Variants in FGD3 observed in about 807,000 individuals in gnomAD.
FGD3 encodes FYVE, RhoGEF and PH domain-containing protein 3.
A neutral mutation model predicts 71.8 loss-of-function variants in FGD3; 45 were observed. The ratio of observed to expected loss-of-function variants is 0.63; its 90% CI spans 0.49 to 0.80. FGD3 has a LOEUF of 0.80. Ranked by LOEUF, FGD3 falls within the 30% of genes least tolerant of loss-of-function variation. FGD3 has a pLI of 0.00. For synonymous variants in FGD3, 378 were observed against 392.8 expected (o/e 0.96, Z 0.44); for missense variants, 844 against 951.5 (o/e 0.89, Z 1.49).
intron 1 of FGD3, among the ~76,000 whole-genome samples, chr9:92,964,967 G>T (rs1859260628): frequency 6.6e-6 from 1 of 152,242 alleles, no homozygotes; most frequent in African/African-American, 2.4e-5. Context: ...ATGCGGGCCT[G>T]TGTAGCATGG....
intron 5 of FGD3, among the ~76,000 whole-genome samples, chr9:93,004,675 G>C (rs766216709): frequency 1.3e-5 from 2 of 152,134 alleles, no homozygotes; most frequent in Non-Finnish European, 2.9e-5. Flanking sequence ...CACGTTGCGT[G>C]TTGCGTTTCC....
At chr9:92,966,663 C>T (rs376639071) in intron 1 of FGD3, among the ~76,000 whole-genome samples, 111 of 152,266 alleles carry the variant, frequency 7.3e-4, no homozygotes, top group African/African-American at 2.5e-3. Flanking sequence ...TGAGGAGCAG[C>T]GGTGGCTGTG....
rs369754132 is a variant in FGD3, at chr9:92,989,167, CA to C, written c.453+12459del. On this transcript the variant is annotated intron_variant, in intron 3 of 17. Coordinates refer to ENST00000375482, the MANE Select transcript of FGD3 (RefSeq NM_001083536.2). ...CCAGGTTCAAGTGATTCTCCTGCCTCAGCCTCCTGAGTAGCTGGGACTACAG... is the reference window on the plus strand; with the variant it reads ...CCAGGTTCAAGTGATTCTCCTGCCTCGCCTCCTGAGTAGCTGGGACTACAG... Among the ~76,000 whole-genome samples, 181 of 152,330 alleles carry C rather than the reference CA, an allele frequency of 1.2e-3. 3 individuals carry two copies. In the East Asian group the frequency reaches 0.028, roughly 24 times the overall value.
chr9:93,013,645 T>C (rs557725274), intron 8 of FGD3, among the ~76,000 whole-genome samples: 1 of 152,310 alleles, frequency 6.6e-6, no homozygotes, highest in East Asian at 1.9e-4. Context: ...TTCCTGTTTA[T>C]CGTTGTTTTT....
intron 1 of FGD3, among the ~76,000 whole-genome samples, chr9:92,953,330 G>A (rs549938103): frequency 9.2e-5 from 14 of 152,282 alleles, no homozygotes; most frequent in Admixed American, 8.5e-4. Context: ...AGGCTCTAAT[G>A]TTATCATAGC....
intron 1 of FGD3, among the ~76,000 whole-genome samples, chr9:92,956,729 A>T (rs1444592828): frequency 6.6e-6 from 1 of 152,102 alleles, no homozygotes; most frequent in Admixed American, 6.5e-5. Context: ...CCAGAGTACC[A>T]CAGGGCACCT....
intron 3 of FGD3, among the ~76,000 whole-genome samples, chr9:92,994,164 G>A (rs142372446): frequency 1.3e-5 from 2 of 152,206 alleles, no homozygotes; most frequent in East Asian, 3.9e-4. Context: ...CATTCTAACT[G>A]GTGTTAGATG....
intron 1 of FGD3, among the ~76,000 whole-genome samples, chr9:92,958,322 C>T (rs938711328): frequency 2.6e-5 from 4 of 152,150 alleles, no homozygotes; most frequent in Admixed American, 2.0e-4. Flanking sequence ...TTTTTTATAG[C>T]AGTTTTACAT....
intron 1 of FGD3, among the ~76,000 whole-genome samples, chr9:92,957,494 T>A (rs1164706165): frequency 6.6e-6 from 1 of 152,196 alleles, no homozygotes; most frequent in African/African-American, 2.4e-5. Context: ...ATTGTCTATT[T>A]AGGTAACTTA....
intron 3 of FGD3, among the ~76,000 whole-genome samples, chr9:92,998,471 G>A (rs746597197): frequency 6.6e-6 from 1 of 152,024 alleles, no homozygotes; most frequent in Non-Finnish European, 1.5e-5. Context: ...GCTTACTTTC[G>A]TCAACTCACC....
intron 14 of FGD3, among the ~76,000 whole-genome samples, chr9:93,027,828 TCCTA>T (rs1449744684): frequency 6.9e-6 from 1 of 144,710 alleles, no homozygotes; most frequent in Admixed American, 7.2e-5. Flanking sequence ...CAAGCGATCC[TCCTA>T]CCTAAGCCCC....
At chr9:93,016,999 T>A (rs1861728023) in intron 10 of FGD3, among the ~76,000 whole-genome samples, 1 of 152,240 alleles carries the variant, frequency 6.6e-6, no homozygotes, top group Admixed American at 6.5e-5. Flanking sequence ...GTAGTTTCGC[T>A]GGCTCACGCC....
intron 5 of FGD3, among the ~76,000 whole-genome samples, chr9:93,005,162 G>A (rs1483348149): frequency 2.0e-5 from 3 of 151,636 alleles, no homozygotes; most frequent in Non-Finnish European, 2.9e-5. Context: ...TCACTCTGTT[G>A]CCCAGGCTGG....
intron 6 of FGD3, among the ~76,000 whole-genome samples, chr9:93,010,020 G>T (rs1456778473): frequency 6.6e-6 from 1 of 152,234 alleles, no homozygotes; most frequent in African/African-American, 2.4e-5. Context: ...TCTGGGCCAA[G>T]GGCCAGCCTG....
chr9:93,006,180 G>T lies in FGD3; in HGVS notation c.837G>T (p.Gln279His). 6.4e-7 allele frequency: 1 copy of T among 1,567,244 alleles called. No individual in the cohort carries two copies. Among genetic ancestry groups the T allele is most frequent in the Non-Finnish European group, 8.7e-7 (1 of 1,153,606 alleles). Reference protein sequence around the residue: ...PLFKDVVHSIQKQEVCGNLTL... With the variant: ...PLFKDVVHSIHKQEVCGNLTL... Reference sequence around the variant, plus strand: ...TTAAAGACGTCGTCCACAGCATCCAGGTAAGGCCGGCAGTGGGAGTGTGGA... The same window carrying T: ...TTAAAGACGTCGTCCACAGCATCCATGTAAGGCCGGCAGTGGGAGTGTGGA... The change falls in exon 6 of 18, where the codon CAG becomes CAT. Residue 279 changes from glutamine to histidine, a missense_variant and splice_region_variant. Gln to His is a conservative substitution (Grantham distance 24). Transcript: ENST00000375482.
At chr9:93,000,921 A>T (rs901535610) in intron 3 of FGD3, among the ~76,000 whole-genome samples, 17 of 151,964 alleles carry the variant, frequency 1.1e-4, no homozygotes, top group African/African-American at 4.1e-4. Context: ...ACAAGTGCAT[A>T]TATTGATCTA....
chr9:92,949,867 G>C (rs4074836), intron 1 of FGD3, among the ~76,000 whole-genome samples: 49,404 of 152,036 alleles, frequency 0.32, 8,426 homozygotes, highest in Middle Eastern at 0.43. Flanking sequence ...TGCTGGCCAA[G>C]GAGCCCTGTG....
chr9:92,991,503 G>C (rs1293784955), intron 3 of FGD3, among the ~76,000 whole-genome samples: 1 of 152,044 alleles, frequency 6.6e-6, no homozygotes, highest in African/African-American at 2.4e-5. Flanking sequence ...TTATTCCATT[G>C]TGGTAAGATA....
At chr9:93,028,952 A>G (rs1241528044) in intron 14 of FGD3, among the ~76,000 whole-genome samples, 1 of 131,440 alleles carries the variant, frequency 7.6e-6, no homozygotes, top group African/African-American at 2.8e-5. Flanking sequence ...ACAGCCCCTG[A>G]CCCTGGCCTC....
Sources: allele counts gnomAD v4.1 joint callset (sites outside exome capture counted in the v4.1 genomes callset), GRCh38; gene constraint gnomAD v4.1.1; transcripts MANE v1.5; gene names NCBI Gene and HGNC (gene_info 2026-07-23, HGNC 2026-07-21).